Variants in LINGO2 observed in about 807,000 individuals in gnomAD.
LINGO2 encodes leucine-rich repeat and immunoglobulin-like domain-containing nogo receptor-interacting protein 2.
LINGO2 carries 14 observed loss-of-function variants against 30.6 expected under a neutral mutation model. The ratio of observed to expected loss-of-function variants is 0.46; its 90% CI spans 0.30 to 0.72. The LOEUF (loss-of-function observed/expected upper bound fraction) is 0.72, where lower values mean the gene tolerates loss of function less well. Among genes scored for constraint, LINGO2 ranks in the 30% least tolerant of loss-of-function variants. The probability of loss-of-function intolerance (pLI) is 0.07; values close to 1 mark genes in which losing one functional copy is unlikely to be tolerated. For missense variants in LINGO2, 729 were observed against 751.7 expected, an observed-to-expected ratio of 0.97 and a Z score of 0.35; for synonymous variants, 317 against 288.5, an observed-to-expected ratio of 1.10 and a Z score of -1.00.
chr9:29,180,366 G>A, the LINGO2 span, among the ~76,000 whole-genome samples: 11 of 152,128 alleles, frequency 7.2e-5, no homozygotes, highest in African/African-American at 2.2e-4. Flanking sequence ...TTATACATGC[G>A]AGGCAAATAT....
chr9:28,423,079 A>G (rs1823268854), intron 2 of LINGO2, among the ~76,000 whole-genome samples: 1 of 152,098 alleles, frequency 6.6e-6, no homozygotes, highest in African/African-American at 2.4e-5. Flanking sequence ...TTGCAGGACG[A>G]AAAGAGTCCC....
At chr9:28,795,067 G>A in the LINGO2 span, among the ~76,000 whole-genome samples, 1 of 151,998 alleles carries the variant, frequency 6.6e-6, no homozygotes, top group African/African-American at 2.4e-5. Context: ...CTGACCTCAG[G>A]TGATGCGCCC....
chr9:28,546,262 A>C (rs1821932154), intron 1 of LINGO2, among the ~76,000 whole-genome samples: 1 of 152,134 alleles, frequency 6.6e-6, no homozygotes, highest in Non-Finnish European at 1.5e-5. Context: ...ATCATAGCTG[A>C]CACTACTATA....
At chr9:28,662,921 A>C (rs1465828410) in intron 1 of LINGO2, among the ~76,000 whole-genome samples, 2 of 152,156 alleles carry the variant, frequency 1.3e-5, no homozygotes, top group Admixed American at 6.5e-5. Context: ...CCTTGGGAAA[A>C]TGCAGCTTTC....
chr9:28,965,030 CTTATA>C, the LINGO2 span, among the ~76,000 whole-genome samples: 1 of 151,682 alleles, frequency 6.6e-6, no homozygotes, highest in Admixed American at 6.6e-5. Context: ...TTATATTAAT[CTTATA>C]TTAATTTTAA....
intron 4 of LINGO2, among the ~76,000 whole-genome samples, chr9:28,191,118 A>C (rs1296770662): frequency 6.6e-6 from 1 of 152,200 alleles, no homozygotes; most frequent in Non-Finnish European, 1.5e-5. Flanking sequence ...ATTTTCCTAG[A>C]GAGAATTTAA....
chr9:28,277,641 T>A (rs530042238), intron 4 of LINGO2, among the ~76,000 whole-genome samples: 1 of 151,990 alleles, frequency 6.6e-6, no homozygotes, highest in East Asian at 1.9e-4. Context: ...CTGTCTCTAC[T>A]AAAAACACAC....
At chr9:28,665,108 A>T (rs948568701) in intron 1 of LINGO2, among the ~76,000 whole-genome samples, 3 of 149,094 alleles carry the variant, frequency 2.0e-5, no homozygotes, top group Non-Finnish European at 4.5e-5. Flanking sequence ...AATGTGTTTT[A>T]GTAGGCCAAA....
chr9:28,396,214 G>C (rs1003936159), intron 2 of LINGO2, among the ~76,000 whole-genome samples: 7 of 152,120 alleles, frequency 4.6e-5, no homozygotes, highest in Non-Finnish European at 7.4e-5. Context: ...ACTTTTTTAT[G>C]TATTGACTCA....
At chr9:28,629,347 T>C (rs1826826551) in intron 1 of LINGO2, among the ~76,000 whole-genome samples, 1 of 152,114 alleles carries the variant, frequency 6.6e-6, no homozygotes, top group Non-Finnish European at 1.5e-5. Flanking sequence ...TAAGTTTGTG[T>C]CCATCACTGG....
the LINGO2 span, among the ~76,000 whole-genome samples, chr9:28,939,789 C>T: frequency 6.6e-6 from 1 of 152,104 alleles, no homozygotes; most frequent in African/African-American, 2.4e-5. Context: ...GAATGAATGA[C>T]TGCAGTGCAT....
the LINGO2 span, among the ~76,000 whole-genome samples, chr9:29,079,037 CGA>C: frequency 6.6e-6 from 1 of 151,920 alleles, no homozygotes; most frequent in South Asian, 2.1e-4. Flanking sequence ...ACTAAAAGAT[CGA>C]GAGTACAAAT....
chr9:29,189,665 G>A, the LINGO2 span, among the ~76,000 whole-genome samples: 14 of 152,118 alleles, frequency 9.2e-5, no homozygotes, highest in African/African-American at 2.7e-4. Context: ...AAGGCAGGCG[G>A]CTGGGAGGTG....
chr9:28,122,875 C>T (rs200156350), intron 4 of LINGO2, among the ~76,000 whole-genome samples: 4 of 152,254 alleles, frequency 2.6e-5, no homozygotes, highest in African/African-American at 9.6e-5. Context: ...AATTGGGTGA[C>T]GCCTATAGCA....
the LINGO2 span, among the ~76,000 whole-genome samples, chr9:28,932,905 T>A: frequency 6.6e-6 from 1 of 150,858 alleles, no homozygotes; most frequent in African/African-American, 2.4e-5. Flanking sequence ...TTTTATTATA[T>A]TATTATTATT....
At chr9:28,415,189 T>C (rs1564185498) in intron 2 of LINGO2, among the ~76,000 whole-genome samples, 1 of 152,038 alleles carries the variant, frequency 6.6e-6, no homozygotes, top group Non-Finnish European at 1.5e-5. Context: ...GCTAGTTCCT[T>C]CTATTTTTAG....
At chr9:27,956,634 G>A (rs1819582782) in intron 5 of LINGO2, among the ~76,000 whole-genome samples, 1 of 151,912 alleles carries the variant, frequency 6.6e-6, no homozygotes, top group Non-Finnish European at 1.5e-5. Context: ...ATGTCTTGAA[G>A]ATTTTCTCCT....
the LINGO2 span, among the ~76,000 whole-genome samples, chr9:29,102,129 T>G: frequency 4.7e-3 from 720 of 152,010 alleles, 3 homozygotes; most frequent in Non-Finnish European, 7.7e-3. Flanking sequence ...TCGCCCAGGT[T>G]GGAGAGCAGT....
the LINGO2 span, among the ~76,000 whole-genome samples, chr9:28,984,235 G>A: frequency 5.3e-5 from 8 of 152,136 alleles, no homozygotes; most frequent in South Asian, 2.1e-4. Flanking sequence ...TGCTCATTTC[G>A]TAATAGTTAG....
Sources: allele counts gnomAD v4.1 joint callset (sites outside exome capture counted in the v4.1 genomes callset), GRCh38; gene constraint gnomAD v4.1.1; transcripts MANE v1.5; gene names NCBI Gene and HGNC (gene_info 2026-07-23, HGNC 2026-07-21).